KIAA0319L: variants seen among roughly 807,000 people sequenced by gnomAD.
The protein encoded by KIAA0319L is dyslexia-associated protein KIAA0319-like protein.
A neutral mutation model predicts 120.1 loss-of-function variants in KIAA0319L; 55 were observed. The observed-to-expected ratio is 0.46, with a 90% CI of 0.37 to 0.57. The LOEUF (loss-of-function observed/expected upper bound fraction) is 0.57. Ranked by LOEUF, KIAA0319L falls within the 20% of genes least tolerant of loss-of-function variation. KIAA0319L has a pLI of 0.00. For synonymous variants in KIAA0319L, 398 were observed against 471.9 expected (o/e 0.84, Z 2.03); for missense variants, 1,049 against 1,255.3 (o/e 0.84, Z 2.48).
intron 15 of KIAA0319L, among the ~76,000 whole-genome samples, chr1:35,449,114 C>T (rs1641856101): frequency 6.6e-6 from 1 of 152,308 alleles, no homozygotes; most frequent in Non-Finnish European, 1.5e-5. Context: ...TATAGTGTCT[C>T]AGCTACTGTC....
intron 10 of KIAA0319L, 127 bp from the exon 11 acceptor site, chr1:35,454,612 A>G: frequency 6.9e-7 from 1 of 1,458,830 alleles, no homozygotes; most frequent in Non-Finnish European, 9.1e-7. Context: ...GCTATTACGT[A>G]CCAGTTCAGC....
chr1:35,553,056 C>T (rs1198300174), intron 2 of KIAA0319L, among the ~76,000 whole-genome samples: 1 of 151,580 alleles, frequency 6.6e-6, no homozygotes, highest in Admixed American at 6.6e-5. Context: ...CACTGCACTC[C>T]AGCCTAGATG....
intron 2 of KIAA0319L, among the ~76,000 whole-genome samples, chr1:35,551,303 T>C (rs1647188591): frequency 6.6e-6 from 1 of 152,152 alleles, no homozygotes. Flanking sequence ...GCACTCTGTT[T>C]ATGCCTTTTA....
At chr1:35,441,912 T>G (rs181085897) in intron 19 of KIAA0319L, among the ~76,000 whole-genome samples, 2 of 152,100 alleles carry the variant, frequency 1.3e-5, no homozygotes, top group African/African-American at 2.4e-5. Context: ...TACAGTGTGG[T>G]GCATTAAAGA....
At chr1:35,478,414 A>G (rs1423412807) in intron 4 of KIAA0319L, among the ~76,000 whole-genome samples, 1 of 152,196 alleles carries the variant, frequency 6.6e-6, no homozygotes, top group Non-Finnish European at 1.5e-5. Context: ...CTAAAATAAT[A>G]TAACTGGATT....
rs534682773 is a variant in KIAA0319L at position 35,491,768 on chromosome 1, A to T, written c.667-12556T>A. ...ATGAGACAGCAAGAGCCAGAGCCAG[A>T]GCAAGAGACAAGAAGACACAAATGA... On this transcript the variant is annotated intron_variant, in intron 3 of 20. Coordinates refer to ENST00000325722, the MANE Select transcript of KIAA0319L (RefSeq NM_024874.5). 2.0e-5 allele frequency among the ~76,000 whole-genome samples: 3 copies of T among 152,356 alleles called. No individual in the cohort carries two copies. In the South Asian group the frequency reaches 6.2e-4, roughly 32 times the overall value.
chr1:35,464,109 T>A (rs1017095008), intron 7 of KIAA0319L, among the ~76,000 whole-genome samples: 9 of 152,136 alleles, frequency 5.9e-5, no homozygotes, highest in African/African-American at 1.9e-4. Context: ...ACACAGTAAA[T>A]TGGTACCAGT....
intron 2 of KIAA0319L, among the ~76,000 whole-genome samples, chr1:35,524,747 C>T (rs578100929): frequency 3.3e-5 from 5 of 152,124 alleles, no homozygotes; most frequent in Admixed American, 1.3e-4. Context: ...TATGGGATAC[C>T]TGTGAGTATT....
At chr1:35,513,267 C>CATATATATATATATATATAT (rs1189085625) in intron 2 of KIAA0319L, among the ~76,000 whole-genome samples, 1 of 107,452 alleles carries the variant, frequency 9.3e-6, no homozygotes, top group African/African-American at 3.7e-5. Context: ...ATCTATATAA[C>CATATATATATATATATATAT]ATATATATAT....
Position 35,450,494 on chromosome 1 carries a change from G to C in KIAA0319L, c.2078C>G (p.Pro693Arg). ...CACATTCCCAGTTATCTTGGCTATA[G>C]GTGGTTTGTTTATTTCTAATCAAAA... ...VIVKEEINKP[P>R]IAKITGNVVI... is the part of the protein sequence containing the mutation. Residue 693 changes from proline (P) to arginine (R), a missense_variant, in exon 14 of 21, where the codon CCT (proline) becomes CGT (arginine). Physicochemically the swap from Pro to Arg is moderately radical, Grantham distance 103. Transcript: ENST00000325722. 1 of 1,612,920 alleles carries C rather than the reference G, an allele frequency of 6.2e-7. No individual in the cohort carries two copies. Among genetic ancestry groups the C allele is most frequent in the Non-Finnish European group, 8.5e-7 (1 of 1,179,318 alleles).
intron 7 of KIAA0319L, among the ~76,000 whole-genome samples, chr1:35,465,309 T>C (rs1400424527): frequency 1.3e-5 from 2 of 152,206 alleles, no homozygotes; most frequent in African/African-American, 2.4e-5. Context: ...AACACACCTC[T>C]TGCATCAGCA....
chr1:35,501,728 A>C (rs571996563), intron 3 of KIAA0319L, among the ~76,000 whole-genome samples: 1 of 152,164 alleles, frequency 6.6e-6, no homozygotes, highest in South Asian at 2.1e-4. Flanking sequence ...AATACAAAAA[A>C]TTAGCTGGGC....
chr1:35,486,376 GAAAAA>G (rs899924972), intron 3 of KIAA0319L, among the ~76,000 whole-genome samples: 65 of 52,154 alleles, frequency 1.2e-3, no homozygotes, highest in African/African-American at 3.4e-3. Context: ...CCTGTCTCAA[GAAAAA>G]AAAAAAAAAA....
intron 3 of KIAA0319L, among the ~76,000 whole-genome samples, chr1:35,483,512 G>A (rs143223934): frequency 2.0e-4 from 30 of 152,226 alleles, no homozygotes; most frequent in African/African-American, 6.7e-4. Flanking sequence ...CCACTGAACT[G>A]CACTGGCACA....
Position 35,449,992 on chromosome 1 carries a change from T to G in KIAA0319L, c.2228A>C (p.His743Pro). The G allele has an allele frequency of 6.2e-7, 1 of 1,614,078 alleles. No individual in the cohort carries two copies. The highest frequency in any genetic ancestry group is 8.5e-7 in the Non-Finnish European group (1 of 1,179,988). The change falls in exon 15 of 21, where the codon CAC (histidine) becomes CCC (proline). Residue 743 changes from histidine (H) to proline (P), a missense_variant. His to Pro is a moderately conservative substitution (Grantham distance 77). Transcript: ENST00000325722. ...GSPAAGEVLN[H>P]SDHHPILFLS... Reference sequence around the variant, plus strand: ...AAAAAGGATAGGGTGATGGTCAGAGTGATTTAACACCTCCTGTAGGGTTGA... The same window carrying G: ...AAAAAGGATAGGGTGATGGTCAGAGGGATTTAACACCTCCTGTAGGGTTGA...
At chr1:35,462,568 C>A in intron 8 of KIAA0319L, 53 bp downstream of exon 8, 1 of 1,410,774 alleles carries the variant, frequency 7.1e-7, no homozygotes. Context: ...AGTTTTCTAT[C>A]AGAGTACACG....
intron 5 of KIAA0319L, among the ~76,000 whole-genome samples, chr1:35,473,080 CTTTTTTTTT>C (rs962861379): frequency 5.5e-5 from 5 of 90,496 alleles, no homozygotes; most frequent in African/African-American, 1.6e-4. Flanking sequence ...TGCGCCCAGC[CTTTTTTTTT>C]TTTTTTTTTT....
At chr1:35,549,013 T>G (rs1053976431) in intron 2 of KIAA0319L, among the ~76,000 whole-genome samples, 3 of 152,104 alleles carry the variant, frequency 2.0e-5, no homozygotes, top group African/African-American at 7.2e-5. Flanking sequence ...AGCTAAATGC[T>G]TCTCCTACGG....
intron 3 of KIAA0319L, among the ~76,000 whole-genome samples, chr1:35,502,458 T>TCAC (rs568218335): frequency 6.7e-6 from 1 of 148,348 alleles, no homozygotes; most frequent in Admixed American, 6.8e-5. Context: ...ATCATCATCA[T>TCAC]CACCATCACC....
Sources: gnomAD v4.1 joint callset for allele counts (sites outside exome capture counted in the v4.1 genomes callset) on GRCh38, gnomAD v4.1.1 for gene constraint, MANE v1.5 for transcripts, NCBI Gene and HGNC (gene_info 2026-07-23, HGNC 2026-07-21) for gene names.